Variants in TEX36 observed in about 807,000 individuals in gnomAD.
TEX36 encodes testis-expressed protein 36.
Under a neutral mutation model 13.6 loss-of-function variants are expected in TEX36, and 12 were observed. The ratio of observed to expected loss-of-function variants is 0.88; its 90% CI spans 0.56 to 1.43. The LOEUF (loss-of-function observed/expected upper bound fraction) is 1.43, where lower values mean the gene tolerates loss of function less well. Among genes scored for constraint, TEX36 ranks in the 40% most tolerant of loss-of-function variants. The pLI is 0.00. For missense variants in TEX36, 224 were observed against 228.3 expected, an observed-to-expected ratio of 0.98 and a Z score of 0.12; for synonymous variants, 93 against 83.0, an observed-to-expected ratio of 1.12 and a Z score of -0.65.
chr10:125,660,657 C>T lies in TEX36; in HGVS notation c.264+364G>A, dbSNP rs540296485. Among the ~76,000 whole-genome samples the T allele has an allele frequency of 2.7e-4, 41 of 152,310 alleles. No individual in the cohort carries two copies. The Middle Eastern group carries it at 0.017, about 63-fold the overall frequency. Reference sequence around the variant, plus strand: ...CCTTATATTATGTAAGCTCCTCCTCCTTCTGACCTTTCCTCGTGGATCCTG... The same window carrying T: ...CCTTATATTATGTAAGCTCCTCCTCTTTCTGACCTTTCCTCGTGGATCCTG... On this transcript the variant is annotated intron_variant, in intron 3 of 3. Transcript: ENST00000368821.
intron 1 of TEX36, chr10:125,667,922 AG>A: frequency 1.6e-6 from 2 of 1,267,910 alleles, no homozygotes; most frequent in East Asian, 2.3e-5. Context: ...CTTCTGCTCC[AG>A]GGTCAATGCT....
At chr10:125,651,039 T>A (rs1165904929), downstream of TEX36, among the ~76,000 whole-genome samples, 2 of 152,182 alleles carry the variant, frequency 1.3e-5, no homozygotes, top group Non-Finnish European at 2.9e-5. Context: ...CAGGACCAGA[T>A]GGATTCACAG....
chr10:125,623,061 A>G (rs1846447133), intron 3 of TEX36, among the ~76,000 whole-genome samples: 1 of 152,168 alleles, frequency 6.6e-6, no homozygotes, highest in Non-Finnish European at 1.5e-5. Flanking sequence ...TGATTCCTGG[A>G]CCTGTGAATC....
intron 3 of TEX36, among the ~76,000 whole-genome samples, chr10:125,649,106 C>G (rs1344147787): frequency 6.6e-6 from 1 of 152,132 alleles, no homozygotes; most frequent in Non-Finnish European, 1.5e-5. Context: ...TGAGAACTTC[C>G]CCAACCTAGT....
At chr10:125,604,592 T>C (rs1846192650) in intron 3 of TEX36, among the ~76,000 whole-genome samples, 1 of 152,122 alleles carries the variant, frequency 6.6e-6, no homozygotes, top group Non-Finnish European at 1.5e-5. Flanking sequence ...GGCGGGCAGA[T>C]CACAAGGTCA....
intron 3 of TEX36, among the ~76,000 whole-genome samples, chr10:125,623,284 G>C (rs961736023): frequency 2.6e-5 from 4 of 152,176 alleles, no homozygotes; most frequent in African/African-American, 7.2e-5. Context: ...TGCTCTGGCA[G>C]CTGATGGGAT....
At chr10:125,586,187 T>C (rs570848729) in intron 3 of TEX36, among the ~76,000 whole-genome samples, 39 of 152,368 alleles carry the variant, frequency 2.6e-4, no homozygotes, top group African/African-American at 9.1e-4. Context: ...AGTCCTATTA[T>C]TGTATACTTA....
chr10:125,579,784 A>G (rs1163426671), intron 3 of TEX36, among the ~76,000 whole-genome samples: 1 of 152,040 alleles, frequency 6.6e-6, no homozygotes, highest in South Asian at 2.1e-4. Context: ...CATGTAAGAC[A>G]TGCCTGCTTC....
chr10:125,646,757 A>G (rs1048662546), intron 3 of TEX36, among the ~76,000 whole-genome samples: 1 of 152,192 alleles, frequency 6.6e-6, no homozygotes, highest in African/African-American at 2.4e-5. Context: ...TCCTCTAAAA[A>G]TAAAAATGAT....
chr10:125,603,257 G>T (rs1338839416), intron 3 of TEX36, among the ~76,000 whole-genome samples: 13 of 152,202 alleles, frequency 8.5e-5, no homozygotes, highest in Non-Finnish European at 2.9e-5. Context: ...TTACCAGATG[G>T]TTTCCACTTT....
Position 125,683,040 on chromosome 10 carries a change from A to C in TEX36, c.-51T>G. On this transcript the variant is annotated 5_prime_UTR_variant, in exon 1 of 4. Transcript: ENST00000368821. ...GAGATTGGCTCCCTCACCTCTCCAT[A>C]AGCTCTACATGTCTGGGAAGCTGCT... The C allele has an allele frequency of 6.5e-7, 1 of 1,544,382 alleles. No individual in the cohort carries two copies. The highest frequency in any genetic ancestry group is 1.4e-5 in the African/African-American group (1 of 72,928).
chr10:125,662,038 T>A, intron 1 of TEX36, 61 bp from the exon 2 acceptor site: 1 of 1,549,360 alleles, frequency 6.5e-7, no homozygotes. Context: ...AAGCCAAGTA[T>A]CAGGGCTTCC....
intron 3 of TEX36, among the ~76,000 whole-genome samples, chr10:125,638,751 A>C (rs1226658223): frequency 1.3e-5 from 2 of 152,184 alleles, no homozygotes; most frequent in Non-Finnish European, 2.9e-5. Context: ...AGCCACACTC[A>C]CCTGCCACCC....
At chr10:125,619,643 C>G (rs983825901), downstream of TEX36, among the ~76,000 whole-genome samples, 2 of 152,028 alleles carry the variant, frequency 1.3e-5, no homozygotes, top group East Asian at 3.9e-4. Context: ...CTCCGCCTCC[C>G]GGGTCCAGGT....
intron 1 of TEX36, among the ~76,000 whole-genome samples, chr10:125,670,379 C>T (rs904988382): frequency 5.9e-5 from 9 of 152,072 alleles, no homozygotes; most frequent in South Asian, 2.1e-4. Context: ...GTTTGTTGGC[C>T]GCATAAATGT....
At chr10:125,609,173 A>C (rs529752280) in intron 3 of TEX36, among the ~76,000 whole-genome samples, 109 of 151,678 alleles carry the variant, frequency 7.2e-4, no homozygotes, top group Middle Eastern at 3.4e-3. Context: ...ACAAAACAAA[A>C]AAAAAAAAAC....
intron 3 of TEX36, among the ~76,000 whole-genome samples, chr10:125,614,868 T>A (rs1253086024): frequency 2.6e-5 from 4 of 152,202 alleles, no homozygotes; most frequent in African/African-American, 9.7e-5. Context: ...TAAATTACCT[T>A]GGGCAGTATG....
chr10:125,659,577 T>A lies in TEX36; in HGVS notation c.264+1444A>T, dbSNP rs562238455. Among the ~76,000 whole-genome samples, 315 of 152,340 alleles carry A rather than the reference T, an allele frequency of 2.1e-3. 2 individuals carry two copies. The highest frequency in any genetic ancestry group is 7.0e-3 in the African/African-American group (293 of 41,582). ...TGTACAGAGGCAGGCAAAGTGGGTA[T>A]TCTGGTCCTGTTTTCAACATTCTGC... On this transcript the variant is annotated intron_variant, in intron 3 of 3. Transcript: ENST00000368821.
chr10:125,594,781 C>T (rs796438814), intron 3 of TEX36, among the ~76,000 whole-genome samples: 14 of 152,260 alleles, frequency 9.2e-5, no homozygotes, highest in African/African-American at 3.1e-4. Context: ...TAAAAACTGT[C>T]TGCACAAGTT....
Sources: gnomAD v4.1 joint callset for allele counts (sites outside exome capture counted in the v4.1 genomes callset) on GRCh38, gnomAD v4.1.1 for gene constraint, MANE v1.5 for transcripts, NCBI Gene and HGNC (gene_info 2026-07-23, HGNC 2026-07-21) for gene names.